Variants in ADGRG1 observed in about 807,000 individuals in gnomAD.
ADGRG1 encodes the protein 7-transmembrane protein with no EGF-like N-terminal domains-1.
A neutral mutation model predicts 73.5 loss-of-function variants in ADGRG1; 53 were observed. The ratio of observed to expected loss-of-function variants is 0.72; its 90% CI spans 0.58 to 0.91. The LOEUF (loss-of-function observed/expected upper bound fraction) is 0.91, where lower values mean the gene tolerates loss of function less well. Ranked by LOEUF, ADGRG1 falls within the 40% of genes least tolerant of loss-of-function variation. The pLI, the probability that ADGRG1 is intolerant of heterozygous loss-of-function variation, is 0.00. For missense variants in ADGRG1, 795 were observed against 871.8 expected, an observed-to-expected ratio of 0.91 and a Z score of 1.11; for synonymous variants, 394 against 374.4, an observed-to-expected ratio of 1.05 and a Z score of -0.60.
chr16:57,654,179 G>C (rs112087167), intron 5 of ADGRG1, 46 bp downstream of exon 5: 83 of 1,585,890 alleles, frequency 5.2e-5, no homozygotes, highest in Non-Finnish European at 6.9e-5. Flanking sequence ...TTGGGCCGGG[G>C]CCAGATGGAG....
intron 13 of ADGRG1, 47 bp from the exon 14 acceptor site, chr16:57,663,405 G>C (rs569191047): frequency 1.2e-6 from 2 of 1,609,160 alleles, no homozygotes; most frequent in African/African-American, 2.7e-5. Flanking sequence ...AGGAGGGATG[G>C]GGTGGGGCTC....
chr16:57,650,270 T>C lies in ADGRG1; in HGVS notation c.-18T>C. On this transcript the variant is annotated 5_prime_UTR_variant, in exon 2 of 14. Coordinates refer to ENST00000562631, the MANE Select transcript of ADGRG1 (RefSeq NM_201525.4). ...TCTTCCAGGTGGTGACTTCCAAGAG[T>C]GACTCCGTCGGAGGAAAATGACTCC... is the stretch of plus-strand genomic sequence containing the variant. 1 of 1,611,956 alleles carries C rather than the reference T, an allele frequency of 6.2e-7. No homozygotes were observed. Among genetic ancestry groups the C allele is most frequent in the East Asian group, 2.2e-5 (1 of 44,868 alleles).
Position 57,651,189 on chromosome 16 carries a change from T to G in ADGRG1, c.65-11T>G, listed in dbSNP as rs1206482070. 6.2e-7 allele frequency: 1 copy of G among 1,614,012 alleles called. No individual in the cohort carries two copies. Among genetic ancestry groups the G allele is most frequent in the East Asian group, 2.2e-5 (1 of 44,886 alleles). On this transcript the variant is annotated splice_polypyrimidine_tract_variant and intron_variant, in intron 2 of 13. Coordinates refer to ENST00000562631, the MANE Select transcript of ADGRG1 (RefSeq NM_201525.4). The stretch of plus-strand genomic sequence containing the variant: ...GCCACGGGGTCCCATCTGCAGCCTC[T>G]GCCTCCTCAGGTGCCCACGGCAGGG...
intron 2 of ADGRG1, among the ~76,000 whole-genome samples, chr16:57,622,329 T>A (rs1457248690): frequency 1.3e-5 from 2 of 152,092 alleles, no homozygotes; most frequent in Non-Finnish European, 2.9e-5. Context: ...TGATGCTGGG[T>A]GGCGTCTAGG....
intron 1 of ADGRG1, chr16:57,646,541 G>T (rs2042693612): frequency 1.0e-6 from 1 of 985,302 alleles, no homozygotes. Context: ...GGGGTTGTGG[G>T]GGCTTCCTTG....
At chr16:57,644,132 C>G in intron 1 of ADGRG1, 1 of 985,132 alleles carries the variant, frequency 1.0e-6, no homozygotes, top group Non-Finnish European at 1.2e-6. Context: ...CCCTTCCCAG[C>G]TTTGAAGTCT....
chr16:57,657,524 G>C, intron 10 of ADGRG1, 33 bp downstream of exon 10: 1 of 1,496,922 alleles, frequency 6.7e-7, no homozygotes, highest in South Asian at 1.1e-5. Context: ...CAGGGGAGGG[G>C]ACCCTCCATT....
At position 57,631,554 on chromosome 16, in the gene ADGRG1, G is replaced by A. The variant is rs1474914876; in HGVS notation, c.-36+2752G>A. 6.1e-6 allele frequency: 6 copies of A among 985,622 alleles called. No homozygotes were observed. In the African/African-American group the frequency reaches 8.7e-5, roughly 14 times the overall value. 61.1% of individuals were successfully genotyped at this position (985,622 alleles called of 1,614,324 possible). A position where few individuals can be genotyped will look rare whatever the true frequency, so the allele number is the denominator to read the frequency against. On this transcript the variant is annotated intron_variant, in intron 1 of 13. Transcript: ENST00000562631. Reference sequence around the variant, plus strand: ...CCTCCCAGACTGGAGCTTGATCAGGGCTCAGCCCCCGTCCCCATGCTGGGG... The same window carrying A: ...CCTCCCAGACTGGAGCTTGATCAGGACTCAGCCCCCGTCCCCATGCTGGGG...
chr16:57,659,375 T>C (rs753626802), intron 10 of ADGRG1, 38 bp from the exon 11 acceptor site: 3 of 1,612,728 alleles, frequency 1.9e-6, no homozygotes, highest in South Asian at 2.2e-5. Context: ...CCTCTCTACC[T>C]TCCCACACTG....
At chr16:57,651,080 T>G in intron 2 of ADGRG1, 120 bp from the exon 3 acceptor site, 3 of 1,595,186 alleles carry the variant, frequency 1.9e-6, no homozygotes, top group Non-Finnish European at 2.5e-6. Flanking sequence ...TTGTAGACCC[T>G]TGGAATGTGT....
In ADGRG1 at chr16:57,639,460, A is replaced by G. The variant is rs1006518451; in HGVS notation, c.-36+10658A>G. The G allele has an allele frequency of 8.1e-6, 8 of 985,254 alleles. No homozygotes were observed. In the East Asian group the frequency reaches 7.9e-4, roughly 98 times the overall value. 61.0% of individuals were successfully genotyped at this position (985,254 alleles called of 1,614,324 possible). On this transcript the variant is annotated intron_variant, in intron 1 of 13. Coordinates refer to ENST00000562631, the MANE Select transcript of ADGRG1 (RefSeq NM_201525.4). The stretch of plus-strand genomic sequence containing the variant: ...TGGCGGCTGGGGCTTCTCAGCCTCT[A>G]TTCCCTGGCTGTCCCCTTTGTTTGA...
rs1299982509 is a variant in ADGRG1 at position 57,653,425 on chromosome 16, G to A, written c.620+90G>A. ...GGTGGGACCTGGAGTAGGGGCTACT[G>A]CGAGGCCTTCCCTGGGACTGGAATG... On this transcript the variant is annotated intron_variant, in intron 4 of 13. Transcript: ENST00000562631. 8 of 1,577,776 alleles carry A rather than the reference G, an allele frequency of 5.1e-6. No individual in the cohort carries two copies. In the African/African-American group the frequency reaches 9.4e-5, roughly 19 times the overall value.
chr16:57,621,864 C>G, intron 2 of ADGRG1: 1 of 985,184 alleles, frequency 1.0e-6, no homozygotes, highest in Non-Finnish European at 1.2e-6. Flanking sequence ...ATGCTGGTGA[C>G]CCCATGCCAA....
intron 13 of ADGRG1, among the ~76,000 whole-genome samples, chr16:57,662,637 G>A (rs1190631777): frequency 6.6e-6 from 1 of 152,106 alleles, no homozygotes; most frequent in Non-Finnish European, 1.5e-5. Flanking sequence ...TCCTGAGGTT[G>A]GAACCGGTTG....
chr16:57,624,634 T>C (rs1567657188), upstream of ADGRG1: 4 of 605,096 alleles, frequency 6.6e-6, no homozygotes, highest in South Asian at 1.5e-4. Flanking sequence ...GGGTTAGAGA[T>C]AGAAAAAGGG....
chr16:57,621,470 T>C (rs554536227), intron 2 of ADGRG1: 1 of 151,626 alleles, frequency 6.6e-6, no homozygotes, highest in African/African-American at 2.4e-5. Context: ...TAACACATTC[T>C]GTGCTGGGCA....
intron 1 of ADGRG1, 130 bp downstream of exon 1, chr16:57,628,932 GA>G: frequency 1.3e-6 from 1 of 751,980 alleles, no homozygotes; most frequent in Non-Finnish European, 1.6e-6. Context: ...GTGTGAGTGT[GA>G]GTGTGAGCGT....
intron 1 of ADGRG1, chr16:57,643,129 G>A (rs12596607): frequency 0.17 from 26,363 of 152,168 alleles, 2,553 homozygotes; most frequent in East Asian, 0.29. Flanking sequence ...TGTCCTGCCA[G>A]GCATGGGGAC....
rs1263479810 is a variant in ADGRG1, at chr16:57,630,980, G to T, written c.-36+2178G>T. On this transcript the variant is annotated intron_variant, in intron 1 of 13. Transcript: ENST00000562631. The stretch of plus-strand genomic sequence containing the variant: ...TCTCAATCTGCTCTGTGGGGGGGAA[G>T]AGAGGCAGGAGGACTCGCCAGGCAG... The T allele has an allele frequency of 5.1e-6, 5 of 985,780 alleles. No homozygotes were observed. The African/African-American group carries it at 8.7e-5, about 17-fold the overall frequency. The allele number at this position is 985,780 out of a possible 1,614,324, so 61.1% of individuals were successfully genotyped here. A position where few individuals can be genotyped will look rare whatever the true frequency, so the allele number is the denominator to read the frequency against.
Sources: allele counts gnomAD v4.1 joint callset (sites outside exome capture counted in the v4.1 genomes callset), GRCh38; gene constraint gnomAD v4.1.1; transcripts MANE v1.5; gene names NCBI Gene and HGNC (gene_info 2026-07-23, HGNC 2026-07-21).